Variants in SEMA5B observed in about 807,000 individuals in gnomAD.
The protein encoded by SEMA5B is semaphorin-5B.
SEMA5B carries 66 observed loss-of-function variants against 135.0 expected under a neutral mutation model. That is an observed-to-expected ratio of 0.49 (90% CI 0.40 to 0.60). The LOEUF is 0.60. SEMA5B is among the 20% of genes least tolerant of loss of function. SEMA5B has a pLI of 0.00. For missense variants in SEMA5B, 1,501 were observed against 1,566.3 expected, an observed-to-expected ratio of 0.96 and a Z score of 0.70; for synonymous variants, 690 against 639.5, an observed-to-expected ratio of 1.08 and a Z score of -1.19.
intron 1 of SEMA5B, among the ~76,000 whole-genome samples, chr3:123,010,905 C>A (rs1233697918): frequency 1.3e-5 from 2 of 152,056 alleles, no homozygotes; most frequent in African/African-American, 4.8e-5. Context: ...CACCCCAAAC[C>A]TCTACAGCAA....
intron 12 of SEMA5B, among the ~76,000 whole-genome samples, chr3:122,919,649 G>A (rs925451016): frequency 6.6e-6 from 1 of 152,170 alleles, no homozygotes; most frequent in Non-Finnish European, 1.5e-5. Context: ...ATATATTGTG[G>A]CAGTTTGCTC....
chr3:122,992,581 A>G (rs989541732), intron 1 of SEMA5B, among the ~76,000 whole-genome samples: 6 of 152,028 alleles, frequency 3.9e-5, no homozygotes, highest in Non-Finnish European at 7.4e-5. Context: ...TGAGAAAAAT[A>G]CCTGCAGCCC....
At position 122,970,952 on chromosome 3, in the gene SEMA5B, G is replaced by A. The variant is rs532489835; in HGVS notation, c.-38-9651C>T. Among the ~76,000 whole-genome samples the A allele has an allele frequency of 2.6e-5, 4 of 152,316 alleles. No homozygotes were observed. The South Asian group carries it at 6.2e-4, about 24-fold the overall frequency. Reference sequence around the variant, plus strand: ...GACCCTTCTAAGTTTGTCCATCAGGGGCATTTCACAGGAAGGGCTGGATCA... The same window carrying A: ...GACCCTTCTAAGTTTGTCCATCAGGAGCATTTCACAGGAAGGGCTGGATCA... On this transcript the variant is annotated intron_variant, in intron 1 of 22. Transcript: ENST00000357599.
Position 122,913,556 on chromosome 3 carries a change from T to C in SEMA5B, c.2258A>G (p.Asn753Ser), listed in dbSNP as rs770601435. Residue 753 changes from asparagine (N) to serine (S), a missense_variant, in exon 16 of 23, where the codon AAC (asparagine) becomes AGC (serine). Coordinates refer to ENST00000357599, the MANE Select transcript of SEMA5B (RefSeq NM_001031702.4). ...CACCACGCCGCAGCCCAGGCAGGAG[T>C]TGCCGTTCTCGCAGGCCCGACGCCG... is the stretch of plus-strand genomic sequence containing the variant. Reference protein sequence around the residue: ...QSRRRACENGNSCLGCGVEFK... With the variant: ...QSRRRACENGSSCLGCGVEFK... 6.2e-7 allele frequency: 1 copy of C among 1,611,930 alleles called. No individual in the cohort carries two copies. The highest frequency in any genetic ancestry group is 8.5e-7 in the Non-Finnish European group (1 of 1,179,622).
chr3:122,923,294 C>T (rs891655662), intron 10 of SEMA5B, among the ~76,000 whole-genome samples: 5 of 152,220 alleles, frequency 3.3e-5, no homozygotes, highest in African/African-American at 1.2e-4. Flanking sequence ...TCCCAAATTC[C>T]AGCCAGACAG....
chr3:122,958,601 C>G (rs1294276869), intron 2 of SEMA5B, among the ~76,000 whole-genome samples: 1 of 152,196 alleles, frequency 6.6e-6, no homozygotes, highest in East Asian at 1.9e-4. Context: ...GATGCAGATG[C>G]CTTCCCATTG....
At chr3:122,989,300 G>C (rs973404446) in intron 1 of SEMA5B, among the ~76,000 whole-genome samples, 1 of 152,212 alleles carries the variant, frequency 6.6e-6, no homozygotes, top group African/African-American at 2.4e-5. Flanking sequence ...GGTGGGTCAA[G>C]GAGGGCTGTG....
intron 12 of SEMA5B, among the ~76,000 whole-genome samples, chr3:122,920,447 C>T (rs1218788544): frequency 6.6e-6 from 1 of 152,144 alleles, no homozygotes; most frequent in Non-Finnish European, 1.5e-5. Flanking sequence ...CCAAGCTGTA[C>T]TGACTATATT....
rs143235936 is a variant in SEMA5B, at chr3:123,003,485, G to A, written c.-39+23979C>T. 3.9e-3 allele frequency among the ~76,000 whole-genome samples: 592 copies of A among 151,870 alleles called. 6 individuals carry two copies. The highest frequency in any genetic ancestry group is 0.011 in the African/African-American group (437 of 41,422). On this transcript the variant is annotated intron_variant, in intron 1 of 22. Coordinates refer to ENST00000357599, the MANE Select transcript of SEMA5B (RefSeq NM_001031702.4). ...CAGGTTCTTTCCATCTCTGCCAGCC[G>A]CTAAAATTCCACATCCTGCCATTCT...
At chr3:122,967,587 T>C (rs796822787) in intron 1 of SEMA5B, among the ~76,000 whole-genome samples, 12 of 152,070 alleles carry the variant, frequency 7.9e-5, no homozygotes, top group African/African-American at 2.9e-4. Flanking sequence ...GACAGAGGAG[T>C]ATAGGAGCCC....
chr3:122,976,296 C>G (rs1941318224), intron 1 of SEMA5B, among the ~76,000 whole-genome samples: 1 of 152,164 alleles, frequency 6.6e-6, no homozygotes, highest in African/African-American at 2.4e-5. Flanking sequence ...AGTCTGGGGG[C>G]AGGGCCCAGT....
In SEMA5B at chr3:122,912,022, C is replaced by G. The variant is rs186357674; in HGVS notation, c.2944G>C (p.Ala982Pro). The change falls in exon 20 of 23, where the codon GCC (alanine) becomes CCC (proline). Residue 982 changes from alanine to proline, a missense_variant. By Grantham distance (27) the Ala-to-Pro change is conservative (BLOSUM62 -1). Around this residue, in one of 2 missense-constraint regions of SEMA5B, gnomAD observed 927 missense variants for 881.6 expected, o/e 1.05. Transcript: ENST00000357599. ...TCACAGTGCCGGCTTCGGCTCTGGG[C>G]TCCGTCGTCAGTGCACTTACTCCAC... is the stretch of plus-strand genomic sequence containing the variant. The part of the protein sequence containing the change: ...SEWSKCTDDG[A>P]QSRSRHCEEL... 4 of 1,613,718 alleles carry G rather than the reference C, an allele frequency of 2.5e-6. No individual in the cohort carries two copies. The highest frequency in any genetic ancestry group is 3.4e-6 in the Non-Finnish European group (4 of 1,179,820).
In SEMA5B at chr3:122,913,290, G is replaced by A; in HGVS notation, c.2415C>T (p.Pro805=). 3.2e-6 allele frequency: 5 copies of A among 1,582,574 alleles called. No individual in the cohort carries two copies. The highest frequency in any genetic ancestry group is 4.3e-6 in the Non-Finnish European group (5 of 1,172,938). ...ACTGCAGGCCGTGCGGGTCTGCAAG[G>A]GGCGCGCGGCAGGTGAAGCGGAACC... ...EQRFRFTCRA[P]LADPHGLQFG... is the part of the protein sequence containing the mutation. Residue 805 remains proline, a synonymous_variant, in exon 17 of 23, where the codon CCC becomes CCT. Coordinates refer to ENST00000357599, the MANE Select transcript of SEMA5B (RefSeq NM_001031702.4).
intron 1 of SEMA5B, among the ~76,000 whole-genome samples, chr3:123,018,070 G>A (rs1942601773): frequency 6.6e-6 from 1 of 152,188 alleles, no homozygotes; most frequent in Admixed American, 6.5e-5. Context: ...TTCGCTTTGA[G>A]AATTCCTGCT....
chr3:122,914,058 T>G, intron 14 of SEMA5B, 57 bp from the exon 15 acceptor site: 2 of 1,494,002 alleles, frequency 1.3e-6, no homozygotes, highest in Non-Finnish European at 1.8e-6. Flanking sequence ...GCTTCTTAGA[T>G]CTAGTCTGTC....
At chr3:123,016,890 ATTTT>A (rs59106085) in intron 1 of SEMA5B, among the ~76,000 whole-genome samples, 6 of 108,720 alleles carry the variant, frequency 5.5e-5, no homozygotes, top group African/African-American at 2.2e-4. Flanking sequence ...CCTCAGGTGC[ATTTT>A]TTTTTTTTTT....
intron 1 of SEMA5B, among the ~76,000 whole-genome samples, chr3:123,011,445 C>T (rs1475976462): frequency 6.6e-6 from 1 of 152,160 alleles, no homozygotes; most frequent in Non-Finnish European, 1.5e-5. Context: ...CTTGATTTAC[C>T]CACATTCCCT....
intron 2 of SEMA5B, among the ~76,000 whole-genome samples, chr3:122,953,408 G>C (rs1267006613): frequency 1.3e-5 from 2 of 152,318 alleles, no homozygotes; most frequent in African/African-American, 4.8e-5. Context: ...AGGTACCTAA[G>C]TTCTGCAGCA....
chr3:122,943,636 T>A, intron 3 of SEMA5B, 101 bp from the exon 4 acceptor site: 1 of 841,920 alleles, frequency 1.2e-6, no homozygotes, highest in South Asian at 1.6e-5. Context: ...CAGGGGGAAG[T>A]GGGGCGGTGG....
Sources: gnomAD v4.1 joint callset for allele counts (sites outside exome capture counted in the v4.1 genomes callset) on GRCh38, gnomAD v4.1.1 for gene constraint, gnomAD v4.1.1 regional missense constraint, MANE v1.5 for transcripts, NCBI Gene and HGNC (gene_info 2026-07-23, HGNC 2026-07-21) for gene names.